Variants in MARCHF11 observed in about 807,000 individuals in gnomAD.
MARCHF11 encodes membrane associated ring-CH-type finger 11, also known as E3 ubiquitin-protein ligase MARCHF11.
A neutral mutation model predicts 37.3 loss-of-function variants in MARCHF11; 29 were observed. The ratio of observed to expected loss-of-function variants is 0.78; its 90% CI spans 0.58 to 1.06. MARCHF11 has a LOEUF of 1.06. MARCHF11 is among the 50% of genes least tolerant of loss of function. MARCHF11 has a pLI of 0.00. For missense variants in MARCHF11, 482 were observed against 533.4 expected (o/e 0.90, Z 0.95); for synonymous variants, 233 against 228.0 (o/e 1.02, Z -0.20).
At chr5:16,112,969 T>C (rs922747119) in intron 2 of MARCHF11, among the ~76,000 whole-genome samples, 1 of 152,192 alleles carries the variant, frequency 6.6e-6, no homozygotes, top group Non-Finnish European at 1.5e-5. Context: ...TGTGAGTCCA[T>C]TAAACCTCTT....
intron 2 of MARCHF11, among the ~76,000 whole-genome samples, chr5:16,130,281 C>A (rs551011160): frequency 6.1e-4 from 92 of 151,098 alleles, no homozygotes; most frequent in South Asian, 2.5e-3. Context: ...CACACACACA[C>A]AAAAGATGTG....
intron 2 of MARCHF11, among the ~76,000 whole-genome samples, chr5:16,113,720 T>C (rs1737185232): frequency 6.6e-6 from 1 of 152,214 alleles, no homozygotes; most frequent in African/African-American, 2.4e-5. Context: ...GCATACAATG[T>C]GTAATGAAGA....
intron 2 of MARCHF11, among the ~76,000 whole-genome samples, chr5:16,106,863 A>G (rs190823000): frequency 1.3e-5 from 2 of 152,174 alleles, no homozygotes. Flanking sequence ...TATCACACAC[A>G]AAGACTAAAA....
intron 2 of MARCHF11, among the ~76,000 whole-genome samples, chr5:16,098,438 TA>T (rs1463751930): frequency 6.6e-6 from 1 of 152,172 alleles, no homozygotes; most frequent in Non-Finnish European, 1.5e-5. Flanking sequence ...GAAAACCTGT[TA>T]GAATTAGTAA....
Position 16,179,618 on chromosome 5 carries a change from C to G in MARCHF11, c.-43G>C, listed in dbSNP as rs867821426. 2.9e-4 allele frequency: 294 copies of G among 997,178 alleles called. No homozygotes were observed. The Middle Eastern group carries it at 3.5e-3, about 12-fold the overall frequency. The allele number at this position is 997,178 out of a possible 1,614,324, so 61.8% of individuals were successfully genotyped here. On this transcript the variant is annotated 5_prime_UTR_variant, in exon 1 of 4. Coordinates refer to ENST00000332432, the MANE Select transcript of MARCHF11 (RefSeq NM_001102562.3). ...CCTCCTGCCGGCCCGGCTGGCGGGC[C>G]GGGCTCTGGCTGCAGGGAAAGAGAG...
chr5:16,143,640 G>T (rs1219784218), intron 2 of MARCHF11, among the ~76,000 whole-genome samples: 1 of 152,234 alleles, frequency 6.6e-6, no homozygotes, highest in Non-Finnish European at 1.5e-5. Context: ...ACTAACAAAG[G>T]CATTTTTTCC....
chr5:16,085,334 T>A (rs988181369), intron 3 of MARCHF11, among the ~76,000 whole-genome samples: 1 of 152,208 alleles, frequency 6.6e-6, no homozygotes, highest in African/African-American at 2.4e-5. Flanking sequence ...TGTCCCTGCA[T>A]GTCGCATCCC....
At chr5:16,175,926 C>T (rs1738346391) in intron 2 of MARCHF11, among the ~76,000 whole-genome samples, 1 of 152,098 alleles carries the variant, frequency 6.6e-6, no homozygotes, top group Non-Finnish European at 1.5e-5. Flanking sequence ...CCTAAATATG[C>T]TAATAGTACC....
chr5:16,074,984 G>T (rs1352606962), intron 3 of MARCHF11, among the ~76,000 whole-genome samples: 2 of 152,228 alleles, frequency 1.3e-5, no homozygotes, highest in East Asian at 3.8e-4. Context: ...ATCTGTGCTG[G>T]ATCTCCAATG....
intron 3 of MARCHF11, among the ~76,000 whole-genome samples, chr5:16,068,907 G>A (rs1172274420): frequency 6.6e-6 from 1 of 152,176 alleles, no homozygotes; most frequent in Non-Finnish European, 1.5e-5. Context: ...AGAGCATGTC[G>A]GCTGGCACAA....
chr5:16,112,083 T>G (rs552162827), intron 2 of MARCHF11, among the ~76,000 whole-genome samples: 6 of 152,284 alleles, frequency 3.9e-5, no homozygotes, highest in African/African-American at 1.4e-4. Context: ...TGCAGGAGTG[T>G]GGCCCTCATG....
intron 2 of MARCHF11, among the ~76,000 whole-genome samples, chr5:16,103,111 G>GAAAAA (rs746011063): frequency 1.5e-5 from 2 of 135,668 alleles, no homozygotes; most frequent in Non-Finnish European, 3.1e-5. Context: ...TGCCCAGGCA[G>GAAAAA]AAAAAAAAAA....
intron 2 of MARCHF11, among the ~76,000 whole-genome samples, chr5:16,134,717 T>A (rs1737578202): frequency 3.3e-5 from 5 of 152,288 alleles, no homozygotes; most frequent in Non-Finnish European, 5.9e-5. Context: ...AATATAAGAA[T>A]TTCAACAATA....
At chr5:16,159,601 T>A (rs1738038372) in intron 2 of MARCHF11, among the ~76,000 whole-genome samples, 1 of 152,014 alleles carries the variant, frequency 6.6e-6, no homozygotes, top group African/African-American at 2.4e-5. Flanking sequence ...GCTTTATACC[T>A]CTGAAATGAA....
chr5:16,164,136 A>C (rs913109225), intron 2 of MARCHF11, among the ~76,000 whole-genome samples: 1 of 152,090 alleles, frequency 6.6e-6, no homozygotes, highest in African/African-American at 2.4e-5. Flanking sequence ...GTTTGTTATA[A>C]CAGCACAAAC....
At chr5:16,139,635 TA>T (rs894055778) in intron 2 of MARCHF11, among the ~76,000 whole-genome samples, 6 of 152,080 alleles carry the variant, frequency 3.9e-5, no homozygotes, top group East Asian at 3.9e-4. Flanking sequence ...TACCATCCAA[TA>T]AAAAAAGCTA....
At chr5:16,095,999 A>C (rs1414232000) in intron 2 of MARCHF11, among the ~76,000 whole-genome samples, 1 of 152,238 alleles carries the variant, frequency 6.6e-6, no homozygotes, top group Non-Finnish European at 1.5e-5. Context: ...TATGGGATAA[A>C]GATCCACTCT....
intron 2 of MARCHF11, among the ~76,000 whole-genome samples, chr5:16,101,772 AC>A (rs1448618171): frequency 5.3e-5 from 8 of 152,218 alleles, no homozygotes; most frequent in African/African-American, 1.7e-4. Context: ...GCTGTTTTCA[AC>A]CTTGCTTTTG....
At chr5:16,125,309 G>A (rs1737383636) in intron 2 of MARCHF11, among the ~76,000 whole-genome samples, 1 of 142,048 alleles carries the variant, frequency 7.0e-6, no homozygotes, top group East Asian at 1.9e-4. Flanking sequence ...TGGGAAAGCT[G>A]CTGTGGTATG....
Sources: gnomAD v4.1 joint callset for allele counts (sites outside exome capture counted in the v4.1 genomes callset) on GRCh38, gnomAD v4.1.1 for gene constraint, MANE v1.5 for transcripts, NCBI Gene and HGNC (gene_info 2026-07-23, HGNC 2026-07-21) for gene names.